Variants in QARS1 observed in about 807,000 individuals in gnomAD.
QARS1 encodes the protein glutamine--tRNA ligase.
Under a neutral mutation model 106.9 loss-of-function variants are expected in QARS1, and 79 were observed. The ratio of observed to expected loss-of-function variants is 0.74; its 90% CI spans 0.62 to 0.89. QARS1 has a LOEUF of 0.89. Among genes scored for constraint, QARS1 ranks in the 40% least tolerant of loss-of-function variants. QARS1 has a pLI of 0.00. For missense variants in QARS1, 966 were observed against 997.2 expected (o/e 0.97, Z 0.42); for synonymous variants, 395 against 367.7 (o/e 1.07, Z -0.85).
chr3:49,104,216 G>A, intron 2 of QARS1, 108 bp downstream of exon 2: 1 of 1,491,714 alleles, frequency 6.7e-7, no homozygotes, highest in Non-Finnish European at 9.2e-7. Context: ...TGCCTGTGCA[G>A]AACTAGGTGT....
At chr3:49,102,552 A>C in intron 5 of QARS1, 80 bp from the exon 6 acceptor site, 1 of 1,513,762 alleles carries the variant, frequency 6.6e-7, no homozygotes, top group Non-Finnish European at 9.1e-7. Flanking sequence ...CACCAACCCA[A>C]GGCTTCCTGG....
chr3:49,097,481 T>G (rs62262517), intron 23 of QARS1, among the ~76,000 whole-genome samples: 101,363 of 149,542 alleles, frequency 0.68, 34,804 homozygotes, highest in East Asian at 0.96. Flanking sequence ...CACCATGCCC[T>G]GCCTCAAAAA....
chr3:49,099,854 C>G lies in QARS1; in HGVS notation c.1296-1G>C, dbSNP rs763533817. Reference sequence around the variant, plus strand: ...GTAGTCGTAGGTGGGATAGATGCACCTGTGGGGCATAGGCAGTGGGCCCTA... The same window carrying G: ...GTAGTCGTAGGTGGGATAGATGCACGTGTGGGGCATAGGCAGTGGGCCCTA... On this transcript the variant is annotated splice_acceptor_variant, in intron 14 of 23. Coordinates refer to ENST00000306125, the MANE Select transcript of QARS1 (RefSeq NM_005051.3). LOFTEE classifies it high-confidence loss of function. The G allele has an allele frequency of 1.2e-6, 2 of 1,611,700 alleles. No individual in the cohort carries two copies. Among genetic ancestry groups the G allele is most frequent in the Non-Finnish European group, 1.7e-6 (2 of 1,179,140 alleles).
Position 49,100,591 on chromosome 3 carries a change from G to A in QARS1, c.960C>T (p.Asp320=), listed in dbSNP as rs780978358. Residue 320 remains aspartate (D), a synonymous_variant, in exon 11 of 24, where the codon GAC becomes GAT. Coordinates refer to ENST00000306125, the MANE Select transcript of QARS1 (RefSeq NM_005051.3). The stretch of plus-strand genomic sequence containing the variant: ...AGTCCATACCTAGCCAGGCTACCAT[G>A]TCACAGATGGCCGTGAAGAACTTTG... ...EEAKFFTAIC[D]MVAWLGYTPY... The A allele has an allele frequency of 1.3e-5, 21 of 1,606,364 alleles. No homozygotes were observed. The highest frequency in any genetic ancestry group is 1.7e-5 in the Admixed American group (1 of 60,002).
intron 23 of QARS1, among the ~76,000 whole-genome samples, chr3:49,097,651 C>G (rs2042409174): frequency 6.6e-6 from 1 of 151,928 alleles, no homozygotes; most frequent in African/African-American, 2.4e-5. Flanking sequence ...AAAAAATTAG[C>G]CGGGTGTGGT....
At chr3:49,102,149 A>C (rs1278410729) in intron 7 of QARS1, 56 bp downstream of exon 7, 3 of 1,607,720 alleles carry the variant, frequency 1.9e-6, no homozygotes, top group Non-Finnish European at 2.6e-6. Context: ...GACTCTTCTG[A>C]GGAGGTTCAG....
Position 49,104,502 on chromosome 3 carries a change from C to G in QARS1, c.118-31G>C. On this transcript the variant is annotated intron_variant, in intron 1 of 23. Transcript: ENST00000306125. ...GTCAGAGGGGTCAAGAGAGAAGCCC[C>G]GCGCTCAGTGAGAGGAAAGGGCGGG... The G allele has an allele frequency of 3.1e-6, 5 of 1,611,828 alleles. No individual in the cohort carries two copies. In the South Asian group the frequency reaches 4.4e-5, roughly 14 times the overall value.
intron 10 of QARS1, 52 bp from the exon 11 acceptor site, chr3:49,100,726 A>G (rs747127759): frequency 7.3e-7 from 1 of 1,375,248 alleles, no homozygotes; most frequent in Non-Finnish European, 1.0e-6. Flanking sequence ...CAGCCCCACA[A>G]TCCTGTTTAT....
chr3:49,101,963 A>C, intron 7 of QARS1, 64 bp from the exon 8 acceptor site: 1 of 1,526,340 alleles, frequency 6.6e-7, no homozygotes, highest in East Asian at 2.3e-5. Context: ...TACAGCCAGA[A>C]CAGAACTGAG....
At chr3:49,102,002 C>T in intron 7 of QARS1, 103 bp from the exon 8 acceptor site, 1 of 1,376,728 alleles carries the variant, frequency 7.3e-7, no homozygotes, top group Non-Finnish European at 1.0e-6. Context: ...ATTCCAGAGA[C>T]AAGATATCTA....
rs1263650885 is a variant in QARS1, at chr3:49,101,348, T to C, written c.876+7A>G. On this transcript the variant is annotated splice_region_variant and intron_variant, in intron 10 of 23. Transcript: ENST00000306125. The stretch of plus-strand genomic sequence containing the variant: ...CTTGCTTGCCAGGTCCCTAGACACA[T>C]GCTTACCTTGGCATAGCCAAAGTTG... 6.2e-7 allele frequency: 1 copy of C among 1,603,668 alleles called. No homozygotes were observed. Among genetic ancestry groups the C allele is most frequent in the African/African-American group, 1.3e-5 (1 of 74,818 alleles).
rs1244117414 is a variant in QARS1, at chr3:49,104,399, T to C, written c.190A>G (p.Arg64Gly). ...ILLYGLASRL[R>G]DTRRLSFLVS... is the part of the protein sequence containing the mutation. ...AGGAAGGAGAGACGCCGGGTATCCC[T>C]GAGTCGGGAGGCCAAGCCATATAAC... The change falls in exon 2 of 24, where the codon AGG (arginine) becomes GGG (glycine). Residue 64 changes from arginine to glycine, a missense_variant. By Grantham distance (125) the Arg-to-Gly change is moderately radical. Transcript: ENST00000306125. The C allele has an allele frequency of 1.2e-6, 2 of 1,614,214 alleles. No homozygotes were observed. Among genetic ancestry groups the C allele is most frequent in the Non-Finnish European group, 1.7e-6 (2 of 1,180,028 alleles).
Position 49,099,442 on chromosome 3 carries a change from G to T in QARS1, c.1527-11C>A. 1 of 1,614,218 alleles carries T rather than the reference G, an allele frequency of 6.2e-7. No homozygotes were observed. The highest frequency in any genetic ancestry group is 8.5e-7 in the Non-Finnish European group (1 of 1,180,046). ...GGGTCATCCCAGTCCCTGTGGATAA[G>T]AAGGTGGTGAGAAGGCCTTTGGGAG... is the stretch of plus-strand genomic sequence containing the variant. On this transcript the variant is annotated splice_polypyrimidine_tract_variant and intron_variant, in intron 16 of 23. Coordinates refer to ENST00000306125, the MANE Select transcript of QARS1 (RefSeq NM_005051.3).
rs769326974 is a variant in QARS1, at chr3:49,101,816, A to T, written c.703+12T>A. On this transcript the variant is annotated intron_variant, in intron 8 of 23. Coordinates refer to ENST00000306125, the MANE Select transcript of QARS1 (RefSeq NM_005051.3). ...ATCCAGCCCTCCCCAGGGTTTTGACATGCCCACTAACCAGGCTTGTGGAAC... is the reference window on the plus strand; with the variant it reads ...ATCCAGCCCTCCCCAGGGTTTTGACTTGCCCACTAACCAGGCTTGTGGAAC... 10 of 1,610,902 alleles carry T rather than the reference A, an allele frequency of 6.2e-6. No individual in the cohort carries two copies. The highest frequency in any genetic ancestry group is 8.5e-6 in the Non-Finnish European group (10 of 1,178,360).
In QARS1 at chr3:49,103,968, G is replaced by T. The variant is rs2042505160; in HGVS notation, c.270C>A (p.Ala90=). ...AGGGGTGACTCCGCACATACTCAAG[G>T]GCAGCTGAGAAGAAAGAGCCCGTGA... ...KIHTEPQLSA[A]LEYVRSHPLD... Residue 90 remains alanine (A), a synonymous_variant, in exon 3 of 24, where the codon GCC becomes GCA. Transcript: ENST00000306125. 6.2e-7 allele frequency: 1 copy of T among 1,613,438 alleles called. No individual in the cohort carries two copies. Among genetic ancestry groups the T allele is most frequent in the Non-Finnish European group, 8.5e-7 (1 of 1,179,710 alleles).
intron 4 of QARS1, 24 bp from the exon 5 acceptor site, chr3:49,103,433 T>C: frequency 6.2e-7 from 1 of 1,613,842 alleles, no homozygotes; most frequent in Non-Finnish European, 8.5e-7. Context: ...CACAAGGAGC[T>C]GCAGAAAGGC....
rs766962485 is a variant in QARS1, at chr3:49,104,249, G to A, written c.265+75C>T. On this transcript the variant is annotated intron_variant, in intron 2 of 23. Coordinates refer to ENST00000306125, the MANE Select transcript of QARS1 (RefSeq NM_005051.3). ...TGTCTAGAAAGAAACTGGAGGACTT[G>A]GCAAAAAGGGAAGACAGGGGTCTTG... The A allele has an allele frequency of 1.8e-4, 281 of 1,576,570 alleles. No individual in the cohort carries two copies. The Middle Eastern group carries it at 1.9e-3, about 10-fold the overall frequency.
In QARS1 at chr3:49,099,491, G is replaced by A. The variant is rs761982337; in HGVS notation, c.1526+19C>T. 3 of 1,614,160 alleles carry A rather than the reference G, an allele frequency of 1.9e-6. No individual in the cohort carries two copies. The highest frequency in any genetic ancestry group is 2.5e-6 in the Non-Finnish European group (3 of 1,180,024). On this transcript the variant is annotated intron_variant, in intron 16 of 23. Coordinates refer to ENST00000306125, the MANE Select transcript of QARS1 (RefSeq NM_005051.3). Reference sequence around the variant, plus strand: ...AGCATATGCCATTAACCTTTCATAAGCCAAACAGCCGCACCTACCGCACAG... The same window carrying A: ...AGCATATGCCATTAACCTTTCATAAACCAAACAGCCGCACCTACCGCACAG...
In QARS1 at chr3:49,103,936, G is replaced by T. The variant is rs968955761; in HGVS notation, c.302C>A (p.Pro101His). 1 of 1,613,856 alleles carries T rather than the reference G, an allele frequency of 6.2e-7. No individual in the cohort carries two copies. Among genetic ancestry groups the T allele is most frequent in the African/African-American group, 1.3e-5 (1 of 74,932 alleles). The stretch of plus-strand genomic sequence containing the variant: ...CCGCTCGAAGTCCACAGTGTCGATG[G>T]GGTCCAAGGGGTGACTCCGCACATA... Reference protein sequence around the residue: ...LEYVRSHPLDPIDTVDFEREC... With the variant: ...LEYVRSHPLDHIDTVDFEREC... Residue 101 changes from proline to histidine, a missense_variant, in exon 3 of 24, where the codon CCC becomes CAC. Coordinates refer to ENST00000306125, the MANE Select transcript of QARS1 (RefSeq NM_005051.3).
Sources: gnomAD v4.1 joint callset for allele counts (sites outside exome capture counted in the v4.1 genomes callset) on GRCh38, gnomAD v4.1.1 for gene constraint, MANE v1.5 for transcripts, NCBI Gene and HGNC (gene_info 2026-07-23, HGNC 2026-07-21) for gene names.